The following PCDHGA10 variants were observed in gnomAD, a reference collection of about 807,000 sequenced individuals.
PCDHGA10 encodes the protein protocadherin gamma subfamily A, 10.
In PCDHGA10, 42 loss-of-function variants were observed where a neutral mutation model predicts 59.5. That is an observed-to-expected ratio of 0.71 (90% confidence interval 0.55 to 0.91). The LOEUF (loss-of-function observed/expected upper bound fraction) is 0.91. Among genes scored for constraint, PCDHGA10 ranks in the 40% least tolerant of loss-of-function variants. The probability of loss-of-function intolerance (pLI) is 0.00; values close to 1 mark genes in which losing one functional copy is unlikely to be tolerated. For missense variants in PCDHGA10, 1,111 were observed against 1,198.2 expected, an observed-to-expected ratio of 0.93 and a Z score of 1.07; for synonymous variants, 511 against 517.2, an observed-to-expected ratio of 0.99 and a Z score of 0.16.
chr5:141,499,881 T>A (rs2099795027), intron 2 of PCDHGA10, among the ~76,000 whole-genome samples: 1 of 152,082 alleles, frequency 6.6e-6, no homozygotes, highest in African/African-American at 2.4e-5. Flanking sequence ...ACAAACAGGG[T>A]TTCGCCATGT....
In PCDHGA10 at chr5:141,491,163, C is replaced by T; in HGVS notation, c.2437-3644C>T. On this transcript the variant is annotated intron_variant, in intron 1 of 3. Transcript: ENST00000398610. The surrounding 1 kb of genome is among the most constrained non-coding windows in gnomAD (Gnocchi z 6.9). ...CCTTACTGGAGGATGACTCTGACAC[C>T]CAGCAGGTGGTGGTCCTGGTGAGGG... is the stretch of plus-strand genomic sequence containing the variant. 1 of 1,614,092 alleles carries T rather than the reference C, an allele frequency of 6.2e-7. No homozygotes were observed. Among genetic ancestry groups the T allele is most frequent in the Non-Finnish European group, 8.5e-7 (1 of 1,179,950 alleles).
At chr5:141,471,078 T>C (rs1370939177) in intron 1 of PCDHGA10, among the ~76,000 whole-genome samples, 1 of 142,250 alleles carries the variant, frequency 7.0e-6, no homozygotes, top group Non-Finnish European at 1.5e-5. Context: ...AGACAGGGTC[T>C]CCCTCTGTTG....
intron 1 of PCDHGA10, chr5:141,421,999 TC>T: frequency 9.9e-6 from 16 of 1,609,214 alleles, no homozygotes; most frequent in Non-Finnish European, 1.4e-5. Context: ...AAACATCAGC[TC>T]CGGAACTCGG....
intron 3 of PCDHGA10, among the ~76,000 whole-genome samples, chr5:141,509,751 A>T (rs1430265981): frequency 6.6e-6 from 1 of 151,998 alleles, no homozygotes; most frequent in Admixed American, 6.5e-5. Flanking sequence ...CCTGTGCCTA[A>T]AGTGTCCCTG....
In PCDHGA10 at chr5:141,413,221, G is replaced by A. The variant is rs1384304697; in HGVS notation, c.46G>A (p.Gly16Arg). The A allele has an allele frequency of 1.2e-6, 2 of 1,613,452 alleles. No homozygotes were observed. Among genetic ancestry groups the A allele is most frequent in the East Asian group, 2.2e-5 (1 of 44,880 alleles). ...CTCAAAGGAATCAAAGGATTGCAGC[G>A]GGCTGGTCCTGCTCTGCCTTTTCTT... ...NRSKESKDCS[G>R]LVLLCLFFGI... The change falls in exon 1 of 4, where the codon GGG becomes AGG. Residue 16 changes from glycine (G) to arginine (R), a missense_variant. By Grantham distance (125) the Gly-to-Arg change is moderately radical (BLOSUM62 -2). Coordinates refer to ENST00000398610, the MANE Select transcript of PCDHGA10 (RefSeq NM_018913.3).
intron 1 of PCDHGA10, chr5:141,433,042 G>A (rs752612411): frequency 6.2e-6 from 10 of 1,614,142 alleles, no homozygotes; most frequent in Non-Finnish European, 7.6e-6. Flanking sequence ...CCCTCACCAC[G>A]GACTCGCGGA....
chr5:141,439,115 C>A (rs2098087976), intron 1 of PCDHGA10, among the ~76,000 whole-genome samples: 1 of 151,476 alleles, frequency 6.6e-6, no homozygotes, highest in Non-Finnish European at 1.5e-5. Context: ...ATCACTTGAA[C>A]CCGGGAGACA....
chr5:141,468,549 C>T (rs1289802190), intron 1 of PCDHGA10: 2 of 151,940 alleles, frequency 1.3e-5, no homozygotes, highest in Non-Finnish European at 2.9e-5. Flanking sequence ...ACATATTTAA[C>T]ATTTGTGATA....
At position 141,476,565 on chromosome 5, in the gene PCDHGA10, C is replaced by A; in HGVS notation, c.2437-18242C>A. 1 of 1,614,184 alleles carries A rather than the reference C, an allele frequency of 6.2e-7. No homozygotes were observed. ...TTGGAGATTAGCGAGGCCGTGGCTC[C>A]GGGGACGCGCTTTCCGCTCGAGAGC... On this transcript the variant is annotated intron_variant, in intron 1 of 3. Coordinates refer to ENST00000398610, the MANE Select transcript of PCDHGA10 (RefSeq NM_018913.3). The surrounding 1 kb of genome is among the most constrained non-coding windows in gnomAD (Gnocchi z 7.6).
At chr5:141,439,445 G>A (rs1030957687) in intron 1 of PCDHGA10, among the ~76,000 whole-genome samples, 5 of 152,102 alleles carry the variant, frequency 3.3e-5, no homozygotes, top group African/African-American at 4.8e-5. Flanking sequence ...ATTTTATTGC[G>A]GGAGCAAGAC....
chr5:141,494,927 G>A, intron 2 of PCDHGA10, 62 bp downstream of exon 2: 1 of 1,613,516 alleles, frequency 6.2e-7, no homozygotes, highest in Non-Finnish European at 8.5e-7. Flanking sequence ...GATGACGTGG[G>A]AGGAGATGGG....
At position 141,476,791 on chromosome 5, in the gene PCDHGA10, C is replaced by A. The variant is rs766227340; in HGVS notation, c.2437-18016C>A. 1 of 1,613,512 alleles carries A rather than the reference C, an allele frequency of 6.2e-7. No individual in the cohort carries two copies. Among genetic ancestry groups the A allele is most frequent in the Non-Finnish European group, 8.5e-7 (1 of 1,180,014 alleles). On this transcript the variant is annotated intron_variant, in intron 1 of 3. Transcript: ENST00000398610. This position sits in a 1 kb window ranked among gnomAD's most constrained non-coding sequence, Gnocchi z 7.6. ...TGGACGGAGGGACCCCAGCTCTCTC[C>A]GCCAGCCTGCCTATTCACATCAAGG...
chr5:141,415,606 G>A lies in PCDHGA10; in HGVS notation c.2431G>A (p.Val811Ile). The change falls in exon 1 of 4, where the codon GTT becomes ATT. Residue 811 changes from valine to isoleucine, a missense_variant. Val to Ile is a conservative substitution (Grantham distance 29). Transcript: ENST00000398610. ...GTTTCCTATAGAGGATACCCCATTG[G>A]TTCCAGTGAGTTTTATTTTCATTTT... ...SKFPIEDTPL[V>I]PQAPPNTDWR... The A allele has an allele frequency of 1.2e-6, 2 of 1,612,910 alleles. 1 individual carries two copies. Among genetic ancestry groups the A allele is most frequent in the East Asian group, 4.5e-5 (2 of 44,866 alleles).
intron 1 of PCDHGA10, chr5:141,422,772 C>A: frequency 6.2e-7 from 1 of 1,613,922 alleles, no homozygotes. Flanking sequence ...CTGGTGTTCT[C>A]TATGCCCTAC....
At chr5:141,494,682 C>G (rs1282135022) in intron 1 of PCDHGA10, 125 bp from the exon 2 acceptor site, 16 of 1,564,362 alleles carry the variant, frequency 1.0e-5, no homozygotes, top group African/African-American at 1.4e-5. Context: ...ACCCCTGCCC[C>G]CTCTTAGTCC....
intron 2 of PCDHGA10, among the ~76,000 whole-genome samples, chr5:141,500,431 G>A (rs1340129330): frequency 6.6e-6 from 1 of 151,476 alleles, no homozygotes; most frequent in Non-Finnish European, 1.5e-5. Flanking sequence ...GGATGGTCTC[G>A]ATCTCCTGAC....
intron 1 of PCDHGA10, among the ~76,000 whole-genome samples, chr5:141,469,909 C>G (rs760329158): frequency 2.0e-5 from 3 of 152,120 alleles, no homozygotes; most frequent in Non-Finnish European, 2.9e-5. Context: ...GGCAGGCAGA[C>G]CACCCGAGGT....
intron 2 of PCDHGA10, among the ~76,000 whole-genome samples, chr5:141,500,399 C>T (rs966328306): frequency 1.3e-5 from 2 of 151,806 alleles, no homozygotes; most frequent in South Asian, 2.1e-4. Context: ...TTAGTAGAGA[C>T]GGGGTTTCAC....
At chr5:141,452,003 T>C (rs1031228207) in intron 1 of PCDHGA10, among the ~76,000 whole-genome samples, 2 of 152,210 alleles carry the variant, frequency 1.3e-5, no homozygotes, top group Non-Finnish European at 2.9e-5. Context: ...CAAAATCACT[T>C]GGTCCAGCCC....
Sources: allele counts gnomAD v4.1 joint callset (sites outside exome capture counted in the v4.1 genomes callset), GRCh38; gene constraint gnomAD v4.1.1; non-coding constraint Gnocchi (gnomAD v3.1); transcripts MANE v1.5; gene names NCBI Gene and HGNC (gene_info 2026-07-23, HGNC 2026-07-21).